The following ZNF428 variants were observed in gnomAD, a reference collection of about 807,000 sequenced individuals.
ZNF428 encodes the protein zinc finger protein 428, also known as enzyme-like protein PIT13.
Under a neutral mutation model 15.6 loss-of-function variants are expected in ZNF428, and 5 were observed. The ratio of observed to expected loss-of-function variants is 0.32; its 90% CI spans 0.17 to 0.67. The LOEUF (loss-of-function observed/expected upper bound fraction) is 0.67. Among genes scored for constraint, ZNF428 ranks in the 30% least tolerant of loss-of-function variants. The pLI is 0.73. For missense variants in ZNF428, 237 were observed against 256.0 expected (o/e 0.93, Z 0.51); for synonymous variants, 97 against 102.2 (o/e 0.95, Z 0.31).
At chr19:43,613,194 ACC>A (rs954545675) in intron 2 of ZNF428, 11 of 1,551,538 alleles carry the variant, frequency 7.1e-6, no homozygotes, top group Non-Finnish European at 9.6e-6. Flanking sequence ...TGGTCTAGAA[ACC>A]CCAGCAAGGA....
chr19:43,616,673 GC>G (rs1204266928), intron 1 of ZNF428, among the ~76,000 whole-genome samples: 1 of 152,102 alleles, frequency 6.6e-6, no homozygotes, highest in East Asian at 1.9e-4. Flanking sequence ...ATCAAGAGTG[GC>G]CATTACTACT....
At chr19:43,616,911 C>T (rs1973377086) in intron 1 of ZNF428, among the ~76,000 whole-genome samples, 1 of 151,728 alleles carries the variant, frequency 6.6e-6, no homozygotes, top group Admixed American at 6.6e-5. Context: ...CTGCATCAGC[C>T]TCCCTAGTAG....
chr19:43,607,814 G>T lies in ZNF428; in HGVS notation c.370C>A (p.Pro124Thr), dbSNP rs372994664. The change falls in exon 3 of 3, where the codon CCA (proline) becomes ACA (threonine). Residue 124 changes from proline to threonine, a missense_variant. By Grantham distance (38) the Pro-to-Thr change is conservative. Transcript: ENST00000300811. The surrounding 1 kb of genome is among the most constrained non-coding windows in gnomAD (Gnocchi z 5.1). ...CCPATAPQEA[P>T]APEGRALGEE... ...CCGAGGGCCCTGCCTTCAGGGGCTG[G>T]TGCTTCCTGGGGGGCTGTAGCAGGG... is the stretch of plus-strand genomic sequence containing the variant. The T allele has an allele frequency of 6.4e-7, 1 of 1,570,888 alleles. No homozygotes were observed. The highest frequency in any genetic ancestry group is 1.9e-5 in the Admixed American group (1 of 52,526).
Position 43,608,021 on chromosome 19 carries a change from TCTC to T in ZNF428, c.160_162del (p.Glu54del), listed in dbSNP as rs1973258415. 4 of 1,611,100 alleles carry T rather than the reference TCTC, an allele frequency of 2.5e-6. No individual in the cohort carries two copies. The highest frequency in any genetic ancestry group is 1.6e-4 in the Middle Eastern group (1 of 6,064). ...GGATCATATTCAGGATCGTCAGTGG[TCTC>T]CTCTTCCTCCTCCTCCTCATCTTCT... On this transcript the variant is annotated inframe_deletion, in exon 3 of 3. Coordinates refer to ENST00000300811, the MANE Select transcript of ZNF428 (RefSeq NM_182498.4).
intron 2 of ZNF428, among the ~76,000 whole-genome samples, chr19:43,609,194 G>C (rs995739995): frequency 6.6e-6 from 1 of 152,138 alleles, no homozygotes; most frequent in Admixed American, 6.6e-5. Context: ...GGCACAGGGA[G>C]GCTAGACGAC....
Position 43,612,772 on chromosome 19 carries a change from C to G in ZNF428, c.76+1457G>C. ...AGCTGGCTGTAACTCCCAGTACAGC[C>G]AAGTGTCAAACCCCGACTGGAATTC... is the stretch of plus-strand genomic sequence containing the variant. On this transcript the variant is annotated intron_variant, in intron 2 of 2. Coordinates refer to ENST00000300811, the MANE Select transcript of ZNF428 (RefSeq NM_182498.4). The surrounding 1 kb of genome is among the most constrained non-coding windows in gnomAD (Gnocchi z 4.2). The G allele has an allele frequency of 6.4e-7, 1 of 1,551,640 alleles. No individual in the cohort carries two copies. The highest frequency in any genetic ancestry group is 8.7e-7 in the Non-Finnish European group (1 of 1,146,970).
At chr19:43,613,299 G>A in intron 2 of ZNF428, 1 of 1,551,624 alleles carries the variant, frequency 6.4e-7, no homozygotes, top group Non-Finnish European at 8.7e-7. Context: ...AGTCAATCAG[G>A]AAGCCCCAAC....
chr19:43,614,122 C>T, intron 2 of ZNF428, 107 bp downstream of exon 2: 8 of 1,603,372 alleles, frequency 5.0e-6, no homozygotes, highest in Non-Finnish European at 6.8e-6. Context: ...AGAATAGAAC[C>T]CCTAGCAAGA....
In ZNF428 at chr19:43,612,535, G is replaced by A. The variant is rs764828004; in HGVS notation, c.76+1694C>T. ...GCAGCTCCAAGAGGTCACCCAGCAGGGCCAGCACTCCTGGCAGGATAAGAA... is the reference window on the plus strand; with the variant it reads ...GCAGCTCCAAGAGGTCACCCAGCAGAGCCAGCACTCCTGGCAGGATAAGAA... On this transcript the variant is annotated intron_variant, in intron 2 of 2. Coordinates refer to ENST00000300811, the MANE Select transcript of ZNF428 (RefSeq NM_182498.4). This position sits in a 1 kb window ranked among gnomAD's most constrained non-coding sequence, Gnocchi z 4.2. 1 of 1,551,394 alleles carries A rather than the reference G, an allele frequency of 6.4e-7. No homozygotes were observed. Among genetic ancestry groups the A allele is most frequent in the Non-Finnish European group, 8.7e-7 (1 of 1,146,960 alleles).
chr19:43,612,482 G>A lies in ZNF428; in HGVS notation c.76+1747C>T. The A allele has an allele frequency of 6.4e-7, 1 of 1,551,260 alleles. No individual in the cohort carries two copies. On this transcript the variant is annotated intron_variant, in intron 2 of 2. Coordinates refer to ENST00000300811, the MANE Select transcript of ZNF428 (RefSeq NM_182498.4). This position sits in a 1 kb window ranked among gnomAD's most constrained non-coding sequence, Gnocchi z 4.2. ...CCAGCGGAGGGGCACACACAGCCGG[G>A]GTAGGACACCTGGCAGAAGGGGAAG... is the stretch of plus-strand genomic sequence containing the variant.
At chr19:43,609,376 G>GAAAGAGAGAGAGAGAGAT (rs1973272671) in intron 2 of ZNF428, among the ~76,000 whole-genome samples, 1 of 151,570 alleles carries the variant, frequency 6.6e-6, no homozygotes, top group African/African-American at 2.4e-5. Context: ...GAGAGAGAGA[G>GAAAGAGAGAGAGAGAGAT]AGTTAGGTGA....
intron 1 of ZNF428, among the ~76,000 whole-genome samples, chr19:43,615,833 G>A (rs1434328874): frequency 2.8e-4 from 42 of 152,118 alleles, no homozygotes; most frequent in Admixed American, 2.7e-3. Flanking sequence ...AAGGGGCAGG[G>A]AGCTTCACGC....
At chr19:43,613,704 G>T (rs1973336185) in intron 2 of ZNF428, 5 of 1,549,442 alleles carry the variant, frequency 3.2e-6, no homozygotes, top group South Asian at 1.2e-5. Context: ...AGAAGCCCCA[G>T]CAAGGAGAGA....
intron 2 of ZNF428, chr19:43,613,647 GCAGA>G (rs1456231335): frequency 6.5e-7 from 1 of 1,545,812 alleles, no homozygotes; most frequent in South Asian, 1.2e-5. Flanking sequence ...GAGAGACAGT[GCAGA>G]CAATCTAGAA....
chr19:43,615,291 T>A (rs1218273138), intron 1 of ZNF428, among the ~76,000 whole-genome samples: 1 of 152,032 alleles, frequency 6.6e-6, no homozygotes, highest in African/African-American at 2.4e-5. Context: ...ATTTTTGTAT[T>A]TTTGGAAGAG....
chr19:43,613,294 A>G, intron 2 of ZNF428: 1 of 1,551,576 alleles, frequency 6.4e-7, no homozygotes, highest in Non-Finnish European at 8.7e-7. Flanking sequence ...GTCGCAGTCA[A>G]TCAGGAAGCC....
chr19:43,610,919 C>A (rs556122005), intron 2 of ZNF428, among the ~76,000 whole-genome samples: 1 of 152,294 alleles, frequency 6.6e-6, no homozygotes, highest in East Asian at 1.9e-4. Flanking sequence ...TCCGTCCCTG[C>A]AGCTCTCTCC....
chr19:43,615,059 C>G (rs893703819), intron 1 of ZNF428, among the ~76,000 whole-genome samples: 16 of 152,082 alleles, frequency 1.1e-4, no homozygotes, highest in African/African-American at 3.9e-4. Flanking sequence ...AGGCCTTAAC[C>G]CTTTAGTTGC....
chr19:43,615,699 A>AC (rs923245252), intron 1 of ZNF428, among the ~76,000 whole-genome samples: 1 of 152,094 alleles, frequency 6.6e-6, no homozygotes, highest in African/African-American at 2.4e-5. Flanking sequence ...CATCTTACAA[A>AC]AAAAAAATTT....
Sources: allele counts gnomAD v4.1 joint callset (sites outside exome capture counted in the v4.1 genomes callset), GRCh38; gene constraint gnomAD v4.1.1; non-coding constraint Gnocchi (gnomAD v3.1); transcripts MANE v1.5; gene names NCBI Gene and HGNC (gene_info 2026-07-23, HGNC 2026-07-21).